The following DOK5 variants were observed in gnomAD, a reference collection of about 807,000 sequenced individuals.
The protein encoded by DOK5 is downstream of tyrosine kinase 5.
A neutral mutation model predicts 43.3 loss-of-function variants in DOK5; 27 were observed. The ratio of observed to expected loss-of-function variants is 0.62; its 90% confidence interval spans 0.46 to 0.86. DOK5 has a LOEUF of 0.86. Among genes scored for constraint, DOK5 ranks in the 40% least tolerant of loss-of-function variants. DOK5 has a pLI of 0.00. For synonymous variants in DOK5, 146 were observed against 140.1 expected, an observed-to-expected ratio of 1.04 and a Z score of -0.30; for missense variants, 373 against 392.9, an observed-to-expected ratio of 0.95 and a Z score of 0.43.
chr20:54,611,610 G>C (rs1280897315), intron 6 of DOK5, among the ~76,000 whole-genome samples: 1 of 152,104 alleles, frequency 6.6e-6, no homozygotes, highest in Non-Finnish European at 1.5e-5. Context: ...TTTTCTTTAA[G>C]GAGGGTAAAT....
chr20:54,553,840 T>C (rs930113097), intron 1 of DOK5, among the ~76,000 whole-genome samples: 1 of 141,410 alleles, frequency 7.1e-6, no homozygotes, highest in African/African-American at 2.7e-5. Flanking sequence ...GAGGTTGCAG[T>C]GAGCGGAGAT....
chr20:54,503,353 A>T (rs1211130445), intron 1 of DOK5, among the ~76,000 whole-genome samples: 5 of 152,158 alleles, frequency 3.3e-5, no homozygotes, highest in Non-Finnish European at 5.9e-5. Flanking sequence ...GGGTATTGGA[A>T]AAGTAGTATA....
chr20:54,581,497 G>A (rs1985639043), intron 2 of DOK5, among the ~76,000 whole-genome samples: 1 of 151,208 alleles, frequency 6.6e-6, no homozygotes, highest in South Asian at 2.1e-4. Flanking sequence ...TTTTAACAAT[G>A]TTAAGTCTTT....
At chr20:54,507,513 T>C (rs536056582) in intron 1 of DOK5, among the ~76,000 whole-genome samples, 2 of 152,348 alleles carry the variant, frequency 1.3e-5, no homozygotes, top group South Asian at 4.1e-4. Context: ...AAAAATCCGG[T>C]ATTTTACGCC....
intron 1 of DOK5, among the ~76,000 whole-genome samples, chr20:54,502,395 C>T (rs1312891564): frequency 6.6e-6 from 1 of 152,134 alleles, no homozygotes; most frequent in Non-Finnish European, 1.5e-5. Context: ...CTGCTATGCA[C>T]TCATTTAATG....
intron 6 of DOK5, among the ~76,000 whole-genome samples, chr20:54,627,188 A>G (rs75084582): frequency 0.025 from 3,883 of 152,286 alleles, 166 homozygotes; most frequent in African/African-American, 0.088. Context: ...AAAATAAAAA[A>G]CAAAACAACA....
chr20:54,600,697 C>T (rs755353981), intron 5 of DOK5, among the ~76,000 whole-genome samples: 5 of 152,068 alleles, frequency 3.3e-5, no homozygotes, highest in Non-Finnish European at 7.3e-5. Context: ...CCAGTATGTA[C>T]GTGTGATTGA....
chr20:54,536,266 CTG>C (rs1983960042), intron 1 of DOK5, among the ~76,000 whole-genome samples: 1 of 152,142 alleles, frequency 6.6e-6, no homozygotes, highest in Non-Finnish European at 1.5e-5. Context: ...TCATGGTAGA[CTG>C]TGAGTGCATC....
chr20:54,565,480 G>A (rs763869995), intron 2 of DOK5, among the ~76,000 whole-genome samples: 82 of 152,180 alleles, frequency 5.4e-4, no homozygotes, highest in Non-Finnish European at 8.7e-4. Context: ...TTGAAATTAT[G>A]TTGGCCAGGT....
intron 1 of DOK5, among the ~76,000 whole-genome samples, chr20:54,542,150 A>G (rs1282653520): frequency 6.6e-6 from 1 of 151,580 alleles, no homozygotes; most frequent in Non-Finnish European, 1.5e-5. Flanking sequence ...GCATGTAAGC[A>G]TATATATCTT....
At chr20:54,516,158 TGTATCTG>T (rs1295804098) in intron 1 of DOK5, among the ~76,000 whole-genome samples, 1 of 152,206 alleles carries the variant, frequency 6.6e-6, no homozygotes, top group African/African-American at 2.4e-5. Flanking sequence ...TGGGCAGAAG[TGTATCTG>T]GTTATATAAT....
intron 6 of DOK5, among the ~76,000 whole-genome samples, chr20:54,624,161 T>C (rs1005160327): frequency 5.9e-5 from 9 of 152,340 alleles, no homozygotes; most frequent in East Asian, 1.9e-4. Flanking sequence ...ACCTGCTTTG[T>C]AAAGCAAAGT....
intron 6 of DOK5, among the ~76,000 whole-genome samples, chr20:54,630,940 G>GA (rs958706254): frequency 4.3e-4 from 65 of 150,650 alleles, no homozygotes; most frequent in African/African-American, 1.5e-3. Flanking sequence ...TGGTCAGCAG[G>GA]AAAAAAAAAT....
Position 54,526,612 on chromosome 20 carries a change from A to G in DOK5, c.67-28321A>G, listed in dbSNP as rs541349323. On this transcript the variant is annotated intron_variant, in intron 1 of 7. Coordinates refer to ENST00000262593, the MANE Select transcript of DOK5 (RefSeq NM_018431.5). ...GTATATGGGATTTTTAAAAACCCCA[A>G]AATTTAAGAACACAAAGAAGATGTC... Among the ~76,000 whole-genome samples the G allele has an allele frequency of 9.2e-5, 14 of 152,336 alleles. No homozygotes were observed. In the East Asian group the frequency reaches 2.3e-3, roughly 25 times the overall value.
intron 6 of DOK5, among the ~76,000 whole-genome samples, chr20:54,625,055 A>T (rs1987093646): frequency 6.6e-6 from 1 of 151,676 alleles, no homozygotes; most frequent in Admixed American, 6.6e-5. Context: ...TTTTCTTGAC[A>T]GTTTCATAAT....
At chr20:54,523,895 G>A (rs996142152) in intron 1 of DOK5, among the ~76,000 whole-genome samples, 7 of 152,048 alleles carry the variant, frequency 4.6e-5, no homozygotes, top group East Asian at 1.9e-4. Context: ...GAGCCACCGC[G>A]CCCAGCCAAA....
chr20:54,640,631 G>A (rs1416200980), intron 6 of DOK5, among the ~76,000 whole-genome samples: 1 of 152,178 alleles, frequency 6.6e-6, no homozygotes, highest in Non-Finnish European at 1.5e-5. Context: ...TCTTCAAAAC[G>A]CGGCGTTGCT....
chr20:54,650,232 C>A (rs988178258), intron 7 of DOK5, among the ~76,000 whole-genome samples, 183 bp from the exon 8 acceptor site: 7 of 152,180 alleles, frequency 4.6e-5, no homozygotes, highest in African/African-American at 1.7e-4. Flanking sequence ...AGGCCACATG[C>A]AAATGATACG....
chr20:54,571,753 T>A (rs1985288203), intron 2 of DOK5, among the ~76,000 whole-genome samples: 1 of 152,182 alleles, frequency 6.6e-6, no homozygotes, highest in Non-Finnish European at 1.5e-5. Context: ...ACTCTTCAGA[T>A]CTTATGATTC....
Sources: gnomAD v4.1 joint callset for allele counts (sites outside exome capture counted in the v4.1 genomes callset) on GRCh38, gnomAD v4.1.1 for gene constraint, MANE v1.5 for transcripts, NCBI Gene and HGNC (gene_info 2026-07-23, HGNC 2026-07-21) for gene names.